The following IL1RAPL2 variants were observed in gnomAD, a reference collection of about 807,000 sequenced individuals.
The protein encoded by IL1RAPL2 is interleukin 1 receptor accessory protein like 2.
IL1RAPL2 carries 3 observed loss-of-function variants against 44.1 expected under a neutral mutation model. That is an observed-to-expected ratio of 0.07 (90% CI 0.03 to 0.18). The LOEUF is 0.18. IL1RAPL2 is among the 10% of genes least tolerant of loss of function. The pLI is 1.00. For synonymous variants in IL1RAPL2, 181 were observed against 178.8 expected (o/e 1.01, Z -0.10); for missense variants, 391 against 496.4 (o/e 0.79, Z 2.02).
chrX:104,690,023 C>T (rs1315444672), intron 2 of IL1RAPL2, among the ~76,000 whole-genome samples: 2 of 111,736 alleles, frequency 1.8e-5, no homozygotes, highest in East Asian at 2.8e-4. Context: ...ATGCTTGGCT[C>T]CAACTCTGGA....
At position 105,681,073 on chromosome X, in the gene IL1RAPL2, C is replaced by A. The variant is rs558303675; in HGVS notation, c.773-36294C>A. ...CTGGTTGACTTCTCTGTGTAGCATT[C>A]CTTCTTCCTCAGTATGATACACGAC... On this transcript the variant is annotated intron_variant, in intron 6 of 10. Coordinates refer to ENST00000372582, the MANE Select transcript of IL1RAPL2 (RefSeq NM_017416.2). Among the ~76,000 whole-genome samples, 18 of 111,712 alleles carry A rather than the reference C, an allele frequency of 1.6e-4. 1 individual carries two copies. The highest frequency in any genetic ancestry group is 5.2e-4 in the African/African-American group (16 of 30,735).
intron 2 of IL1RAPL2, among the ~76,000 whole-genome samples, chrX:104,837,480 G>A (rs1335930430): frequency 1.8e-5 from 2 of 112,092 alleles, no homozygotes; most frequent in Non-Finnish European, 3.8e-5. Context: ...AATGATCACT[G>A]ATGATGAGCT....
intron 5 of IL1RAPL2, among the ~76,000 whole-genome samples, chrX:105,447,372 TATATAAATATATAA>T (rs1366953512): frequency 0.016 from 1,071 of 67,643 alleles, 36 homozygotes; most frequent in African/African-American, 0.063. Flanking sequence ...TAAATATAAA[TATATAAATATATAA>T]ATATAAATAT....
intron 2 of IL1RAPL2, among the ~76,000 whole-genome samples, chrX:105,165,166 C>T (rs2056897611): frequency 9.0e-6 from 1 of 111,641 alleles, no homozygotes; most frequent in African/African-American, 3.3e-5. Context: ...CTTTTCTTTC[C>T]TTCACCCTCT....
intron 5 of IL1RAPL2, among the ~76,000 whole-genome samples, chrX:105,303,756 T>TAACA (rs1569421029): frequency 8.9e-6 from 1 of 112,176 alleles, no homozygotes; most frequent in African/African-American, 3.2e-5. Flanking sequence ...TACTTCCCTC[T>TAACA]AACAGTGTGC....
At chrX:104,834,133 A>G (rs986138094) in intron 2 of IL1RAPL2, among the ~76,000 whole-genome samples, 12 of 111,742 alleles carry the variant, frequency 1.1e-4, no homozygotes, top group Admixed American at 9.5e-4. Context: ...TGCTAATCCC[A>G]ACTCCTAAGT....
intron 1 of IL1RAPL2, among the ~76,000 whole-genome samples, chrX:104,645,144 C>G (rs959877139): frequency 9.0e-6 from 1 of 111,425 alleles, no homozygotes; most frequent in Non-Finnish European, 1.9e-5. Context: ...GTTGGTGTTT[C>G]TCAGTACTTT....
At chrX:105,537,193 T>G (rs1044573954) in intron 6 of IL1RAPL2, among the ~76,000 whole-genome samples, 2 of 111,968 alleles carry the variant, frequency 1.8e-5, no homozygotes, top group African/African-American at 6.5e-5. Context: ...ATGATTTTAT[T>G]TGGGAACAAT....
rs146303882 is a variant in IL1RAPL2 at position 105,738,682 on chromosome X, G to A, written c.903-1864G>A. Among the ~76,000 whole-genome samples the A allele has an allele frequency of 2.0e-3, 223 of 111,171 alleles. 1 individual carries two copies. The highest frequency in any genetic ancestry group is 7.0e-3 in the African/African-American group (215 of 30,589). On this transcript the variant is annotated intron_variant, in intron 7 of 10. Coordinates refer to ENST00000372582, the MANE Select transcript of IL1RAPL2 (RefSeq NM_017416.2). ...GAGAAAGAAAAGAGAAGTTGACAGG[G>A]TACCCATTTTCATCTCACCCAGAAG...
intron 5 of IL1RAPL2, among the ~76,000 whole-genome samples, chrX:105,428,835 G>A (rs2035828913): frequency 9.0e-6 from 1 of 111,194 alleles, no homozygotes; most frequent in Non-Finnish European, 1.9e-5. Flanking sequence ...CAAAGGTCAG[G>A]TGGCTTGAGA....
At chrX:104,689,098 C>T (rs989251565) in intron 2 of IL1RAPL2, among the ~76,000 whole-genome samples, 17 of 111,694 alleles carry the variant, frequency 1.5e-4, no homozygotes, top group Non-Finnish European at 2.1e-4. Context: ...CAAAAACCAA[C>T]GTATAAGTAC....
chrX:105,394,179 A>C (rs1395125077), intron 5 of IL1RAPL2, among the ~76,000 whole-genome samples: 1 of 112,221 alleles, frequency 8.9e-6, no homozygotes, highest in Non-Finnish European at 1.9e-5. Flanking sequence ...GTCTTGGTGA[A>C]TCTTTTTAAA....
chrX:104,651,735 T>TA (rs1930156399), intron 1 of IL1RAPL2, among the ~76,000 whole-genome samples: 1 of 111,286 alleles, frequency 9.0e-6, no homozygotes, highest in Admixed American at 9.6e-5. Flanking sequence ...TGGCGTTATA[T>TA]AAGTTCTAAA....
intron 5 of IL1RAPL2, among the ~76,000 whole-genome samples, chrX:105,274,499 A>G (rs1036689573): frequency 1.3e-4 from 15 of 112,277 alleles, no homozygotes; most frequent in African/African-American, 4.9e-4. Context: ...TAGTTAAACA[A>G]TGTTGGCTCA....
chrX:105,727,683 T>C (rs886139209), intron 7 of IL1RAPL2, among the ~76,000 whole-genome samples: 9 of 111,869 alleles, frequency 8.0e-5, no homozygotes, highest in Non-Finnish European at 1.5e-4. Context: ...ACTTTCTCCT[T>C]TTATTGCCTT....
chrX:104,597,620 C>T (rs1221453486), intron 1 of IL1RAPL2, among the ~76,000 whole-genome samples: 1 of 111,593 alleles, frequency 9.0e-6, no homozygotes, highest in Non-Finnish European at 1.9e-5. Flanking sequence ...CTTGAGACTT[C>T]AGGTAAATGG....
intron 1 of IL1RAPL2, among the ~76,000 whole-genome samples, chrX:104,601,442 T>G (rs1406074544): frequency 2.7e-5 from 3 of 111,672 alleles, no homozygotes; most frequent in Non-Finnish European, 5.6e-5. Context: ...AACTTTTGTT[T>G]TAGATTCAGG....
intron 6 of IL1RAPL2, among the ~76,000 whole-genome samples, chrX:105,691,250 A>C (rs2038033666): frequency 9.0e-6 from 1 of 111,710 alleles, no homozygotes; most frequent in Non-Finnish European, 1.9e-5. Context: ...CAATTCTAAA[A>C]TATCAGCCAG....
rs191937476 is a variant in IL1RAPL2, at chrX:105,374,159, A to G, written c.697+106618A>G. Among the ~76,000 whole-genome samples the G allele has an allele frequency of 5.8e-3, 615 of 105,139 alleles. 2 individuals carry two copies. The highest frequency in any genetic ancestry group is 0.02 in the African/African-American group (593 of 29,254). The allele number at this position is 105,139 out of a possible 115,157, so 91.3% of individuals were successfully genotyped here. On this transcript the variant is annotated intron_variant, in intron 5 of 10. Transcript: ENST00000372582. ...AAAGAAAGAAAGAGCAGATGGCTGT[A>G]GGTGTGTGGCCTCTATTCTGTTTCA...
Sources: allele counts gnomAD v4.1 joint callset (sites outside exome capture counted in the v4.1 genomes callset), GRCh38; gene constraint gnomAD v4.1.1; transcripts MANE v1.5; gene names NCBI Gene and HGNC (gene_info 2026-07-23, HGNC 2026-07-21).